CNTNAP2: variants seen among roughly 807,000 people sequenced by gnomAD.
CNTNAP2 encodes the protein contactin-associated protein-like 2.
In CNTNAP2, 98 loss-of-function variants were observed where a neutral mutation model predicts 155.2. That is an observed-to-expected ratio of 0.63 (90% CI 0.54 to 0.75). The LOEUF is 0.75. Among genes scored for constraint, CNTNAP2 ranks in the 30% least tolerant of loss-of-function variants. The probability of loss-of-function intolerance (pLI) is 0.00; values close to 1 mark genes in which losing one functional copy is unlikely to be tolerated. For missense variants in CNTNAP2, 1,727 were observed against 1,688.1 expected (o/e 1.02, Z -0.40); for synonymous variants, 651 against 631.2 (o/e 1.03, Z -0.47).
At chr7:147,719,052 T>G (rs1225244205) in intron 13 of CNTNAP2, among the ~76,000 whole-genome samples, 1 of 152,116 alleles carries the variant, frequency 6.6e-6, no homozygotes, top group African/African-American at 2.4e-5. Context: ...ATGCTAATAT[T>G]TTGTGATTGT....
chr7:147,683,482 C>A (rs1273698998), intron 13 of CNTNAP2, among the ~76,000 whole-genome samples: 1 of 151,728 alleles, frequency 6.6e-6, no homozygotes, highest in Non-Finnish European at 1.5e-5. Flanking sequence ...CATATTAGAC[C>A]ACTTTTACCT....
chr7:148,177,661 T>C (rs1409397831), intron 18 of CNTNAP2, among the ~76,000 whole-genome samples: 3 of 152,170 alleles, frequency 2.0e-5, no homozygotes, highest in Non-Finnish European at 4.4e-5. Flanking sequence ...GGTGAAATGA[T>C]TGCTATTACT....
intron 18 of CNTNAP2, among the ~76,000 whole-genome samples, chr7:148,202,074 G>T (rs935604400): frequency 2.0e-5 from 3 of 152,016 alleles, no homozygotes; most frequent in African/African-American, 7.2e-5. Flanking sequence ...CCTGGGTGCT[G>T]AAAATAGCAT....
chr7:147,158,147 A>C (rs1801961426), intron 8 of CNTNAP2, among the ~76,000 whole-genome samples: 1 of 151,988 alleles, frequency 6.6e-6, no homozygotes, highest in South Asian at 2.1e-4. Flanking sequence ...GTGACTTCTT[A>C]TCTTTAGTTT....
At chr7:147,324,162 T>A (rs2116826640) in intron 9 of CNTNAP2, among the ~76,000 whole-genome samples, 1 of 152,140 alleles carries the variant, frequency 6.6e-6, no homozygotes, top group East Asian at 1.9e-4. Context: ...AGAAGTAAGG[T>A]GTATTAGGTG....
intron 1 of CNTNAP2, among the ~76,000 whole-genome samples, chr7:146,183,203 G>A (rs2116839379): frequency 6.6e-6 from 1 of 152,142 alleles, no homozygotes; most frequent in South Asian, 2.1e-4. Flanking sequence ...AGGATGCCAG[G>A]CCTTGAAGAA....
chr7:146,538,597 A>G (rs769161085), intron 1 of CNTNAP2, among the ~76,000 whole-genome samples: 39 of 152,028 alleles, frequency 2.6e-4, no homozygotes, highest in Non-Finnish European at 8.8e-5. Context: ...GGGGACAAAC[A>G]CTTCTCCTAC....
intron 16 of CNTNAP2, among the ~76,000 whole-genome samples, chr7:148,135,871 G>GAA: frequency 8.0e-6 from 1 of 125,278 alleles, no homozygotes; most frequent in Non-Finnish European, 1.7e-5. Context: ...GAGGGGAGGG[G>GAA]GGGAAGGGAG....
At chr7:147,933,494 G>GAGAT (rs71183037) in intron 14 of CNTNAP2, among the ~76,000 whole-genome samples, 30,854 of 120,530 alleles carry the variant, frequency 0.26, 3,248 homozygotes, top group Non-Finnish European at 0.27. Context: ...CAGAAAATGT[G>GAGAT]AGATAGATAG....
At chr7:147,341,939 G>A (rs1033451912) in intron 9 of CNTNAP2, among the ~76,000 whole-genome samples, 2 of 152,128 alleles carry the variant, frequency 1.3e-5, no homozygotes, top group Non-Finnish European at 2.9e-5. Flanking sequence ...CATAGACCAT[G>A]AGGCTTAAAC....
chr7:146,298,010 T>C (rs1043605949), intron 1 of CNTNAP2, among the ~76,000 whole-genome samples: 1 of 152,110 alleles, frequency 6.6e-6, no homozygotes, highest in Non-Finnish European at 1.5e-5. Context: ...AAACGTGAGA[T>C]GCTGTGAGCA....
At chr7:147,405,741 T>C (rs1796995313) in intron 10 of CNTNAP2, among the ~76,000 whole-genome samples, 1 of 152,188 alleles carries the variant, frequency 6.6e-6, no homozygotes, top group Non-Finnish European at 1.5e-5. Flanking sequence ...AGTTTATGTG[T>C]GGGCCTAGAC....
chr7:146,755,870 T>A (rs747939338), intron 1 of CNTNAP2, among the ~76,000 whole-genome samples: 23 of 151,978 alleles, frequency 1.5e-4, no homozygotes, highest in Non-Finnish European at 3.4e-4. Flanking sequence ...CTACAGTGAC[T>A]GCCTTGCTTC....
At chr7:146,290,678 A>T (rs980652657) in intron 1 of CNTNAP2, among the ~76,000 whole-genome samples, 2 of 152,200 alleles carry the variant, frequency 1.3e-5, no homozygotes, top group African/African-American at 4.8e-5. Flanking sequence ...GAATCAGAAA[A>T]AACTAGATCG....
At position 147,667,819 on chromosome 7, in the gene CNTNAP2, ATAAAATAAAAAAAT is replaced by A. The variant is rs1563045553; in HGVS notation, c.2098+28514_2098+28527del. On this transcript the variant is annotated intron_variant, in intron 13 of 23. Transcript: ENST00000361727. ...GCAAAAAAAAAAAATAATAAAAAAAATAAAATAAAAAAATAAAAGATACCAATGCAATTCTGGAA... is the reference window on the plus strand; with the variant it reads ...GCAAAAAAAAAAAATAATAAAAAAAAAAAAGATACCAATGCAATTCTGGAA... 9.1e-3 allele frequency among the ~76,000 whole-genome samples: 1,378 copies of A among 150,820 alleles called. 27 individuals are homozygous for A. The highest frequency in any genetic ancestry group is 0.032 in the African/African-American group (1,320 of 41,056).
intron 3 of CNTNAP2, among the ~76,000 whole-genome samples, chr7:147,012,075 T>C (rs1020544555): frequency 6.6e-6 from 1 of 152,334 alleles, no homozygotes; most frequent in Non-Finnish European, 1.5e-5. Flanking sequence ...AAAACCATAA[T>C]GAAATATATT....
At chr7:147,643,242 A>G (rs759496298) in intron 13 of CNTNAP2, 11 of 152,328 alleles carry the variant, frequency 7.2e-5, no homozygotes, top group Admixed American at 3.3e-4. Flanking sequence ...ATAAAATGGC[A>G]TACATAGTTA....
chr7:146,888,059 T>C (rs867777832), intron 3 of CNTNAP2, among the ~76,000 whole-genome samples: 1 of 152,122 alleles, frequency 6.6e-6, no homozygotes, highest in African/African-American at 2.4e-5. Context: ...TGAATTAATC[T>C]ATCATCCATT....
intron 3 of CNTNAP2, among the ~76,000 whole-genome samples, chr7:147,008,141 C>T (rs369256387): frequency 6.6e-6 from 1 of 152,020 alleles, no homozygotes; most frequent in Admixed American, 6.6e-5. Flanking sequence ...TTTTTAGGAT[C>T]CATTAGCAAA....
Sources: gnomAD v4.1 joint callset for allele counts (sites outside exome capture counted in the v4.1 genomes callset) on GRCh38, gnomAD v4.1.1 for gene constraint, MANE v1.5 for transcripts, NCBI Gene and HGNC (gene_info 2026-07-23, HGNC 2026-07-21) for gene names.